Variants in IGLL1 observed in about 807,000 individuals in gnomAD.
The protein encoded by IGLL1 is immunoglobulin lambda like polypeptide 1, also known as immunoglobulin lambda-like polypeptide 1.
In IGLL1, 10 loss-of-function variants were observed where a neutral mutation model predicts 10.5. The observed-to-expected ratio is 0.95, with a 90% confidence interval of 0.59 to 1.62. The LOEUF (loss-of-function observed/expected upper bound fraction) is 1.62, where lower values mean the gene tolerates loss of function less well. Ranked by LOEUF, IGLL1 falls within the 40% of genes most tolerant of loss-of-function variation. IGLL1 has a pLI of 0.00. For synonymous variants in IGLL1, 141 were observed against 122.7 expected (o/e 1.15, Z -0.99); for missense variants, 284 against 278.7 (o/e 1.02, Z -0.14).
intron 1 of IGLL1, among the ~76,000 whole-genome samples, chr22:23,578,249 A>G (rs1925159222): frequency 6.6e-6 from 1 of 152,058 alleles, no homozygotes; most frequent in Non-Finnish European, 1.5e-5. Context: ...CCCCAACATA[A>G]TACCATTTTT....
intron 2 of IGLL1, among the ~76,000 whole-genome samples, chr22:23,574,652 A>C (rs1924965561): frequency 6.6e-6 from 1 of 152,102 alleles, no homozygotes; most frequent in Non-Finnish European, 1.5e-5. Context: ...AGGGCCCCTC[A>C]TCAGAACCAG....
chr22:23,577,654 G>A (rs1309616087), intron 1 of IGLL1, among the ~76,000 whole-genome samples: 1 of 147,216 alleles, frequency 6.8e-6, no homozygotes, highest in Admixed American at 7.0e-5. Flanking sequence ...CCTCTCACCA[G>A]CCTCCTAAGT....
chr22:23,578,381 C>T (rs1007151221), intron 1 of IGLL1, among the ~76,000 whole-genome samples: 4 of 152,180 alleles, frequency 2.6e-5, no homozygotes, highest in African/African-American at 7.2e-5. Flanking sequence ...ACCCGGCCCC[C>T]GCTCCTTGTG....
intron 1 of IGLL1, among the ~76,000 whole-genome samples, chr22:23,578,762 C>T (rs571972391): frequency 9.1e-4 from 139 of 152,190 alleles, no homozygotes; most frequent in African/African-American, 3.3e-3. Flanking sequence ...TGAGACCAGC[C>T]TGGCCAACAT....
chr22:23,573,725 C>G lies in IGLL1; in HGVS notation c.323-140G>C, dbSNP rs548207211. On this transcript the variant is annotated intron_variant, in intron 2 of 2. Coordinates refer to ENST00000330377, the MANE Select transcript of IGLL1 (RefSeq NM_020070.4). ...CAGGGCCTCTCCTTCCCTCCTCATTCCCTCCTTTCCACTGGAGCCCTCTGG... is the reference window on the plus strand; with the variant it reads ...CAGGGCCTCTCCTTCCCTCCTCATTGCCTCCTTTCCACTGGAGCCCTCTGG... The G allele has an allele frequency of 4.5e-6, 3 of 670,998 alleles. No homozygotes were observed. The African/African-American group carries it at 5.4e-5, about 12-fold the overall frequency. The allele number at this position is 670,998 out of a possible 1,614,324, so 41.6% of individuals were successfully genotyped here.
rs547684205 is a variant in IGLL1, at chr22:23,576,144, CTCAT to C, written c.207-1066_207-1063del. On this transcript the variant is annotated intron_variant, in intron 1 of 2. Transcript: ENST00000330377. ...AGATGACCACCTTCCCCCAGCCCAG[CTCAT>C]TTTCTGTCTTCATCTCATCACAATG... is the stretch of plus-strand genomic sequence containing the variant. Among the ~76,000 whole-genome samples the C allele has an allele frequency of 1.9e-3, 292 of 152,214 alleles. 1 individual carries two copies. The highest frequency in any genetic ancestry group is 0.015 in the South Asian group (74 of 4,828).
chr22:23,573,781 C>T (rs538840974), intron 2 of IGLL1, among the ~76,000 whole-genome samples, 196 bp from the exon 3 acceptor site: 1 of 152,210 alleles, frequency 6.6e-6, no homozygotes, highest in South Asian at 2.1e-4. Flanking sequence ...TTCCTAGGAG[C>T]CCTTCCCAAG....
intron 2 of IGLL1, among the ~76,000 whole-genome samples, chr22:23,573,995 TG>T (rs1416641359): frequency 1.3e-5 from 2 of 151,502 alleles, no homozygotes; most frequent in African/African-American, 4.9e-5. Context: ...TCCCATCCCC[TG>T]GGGCACCAGG....
At chr22:23,577,095 T>C (rs778807043) in intron 1 of IGLL1, among the ~76,000 whole-genome samples, 26 of 152,202 alleles carry the variant, frequency 1.7e-4, no homozygotes, top group Admixed American at 3.9e-4. Context: ...ATAATTAACA[T>C]TCAAAACCTA....
chr22:23,580,005 G>T lies in IGLL1; in HGVS notation c.186C>A (p.Ser62Arg). ...PGAPGGSSRS[S>R]LRSRWGRFLL... Reference sequence around the variant, plus strand: ...CTTACCTGCCCCACCGGCTCCTCAGGCTGGACCGGCTGCTTCCTCCAGGGG... The same window carrying T: ...CTTACCTGCCCCACCGGCTCCTCAGTCTGGACCGGCTGCTTCCTCCAGGGG... Residue 62 changes from serine to arginine, a missense_variant, in exon 1 of 3, where the codon AGC becomes AGA. Transcript: ENST00000330377. The T allele has an allele frequency of 6.3e-7, 1 of 1,583,762 alleles. No individual in the cohort carries two copies. Among genetic ancestry groups the T allele is most frequent in the Non-Finnish European group, 8.6e-7 (1 of 1,169,394 alleles).
rs1443237354 is a variant in IGLL1 at position 23,573,578 on chromosome 22, G to C, written c.330C>G (p.Pro110=). 3 of 1,613,604 alleles carry C rather than the reference G, an allele frequency of 1.9e-6. No homozygotes were observed. The highest frequency in any genetic ancestry group is 2.5e-6 in the Non-Finnish European group (3 of 1,179,602). The change falls in exon 3 of 3, where the codon CCC becomes CCG. Residue 110 remains proline (P), a synonymous_variant. Transcript: ENST00000330377. ...SGTQLTVLSQ[P]KATPSVTLFP... is the part of the protein sequence containing the mutation. ...ACAGAGTGACCGAGGGGGTGGCCTT[G>C]GGCTGACCTGTGTGGACAGAGGAGG... is the stretch of plus-strand genomic sequence containing the variant.
At position 23,579,993 on chromosome 22, in the gene IGLL1, C is replaced by T. The variant is rs769299078; in HGVS notation, c.198G>A (p.Arg66=). The T allele has an allele frequency of 4.4e-6, 7 of 1,580,908 alleles. No homozygotes were observed. Among genetic ancestry groups the T allele is most frequent in the South Asian group, 1.1e-5 (1 of 87,358 alleles). ...AATCTCTCACCCCTTACCTGCCCCA[C>T]CGGCTCCTCAGGCTGGACCGGCTGC... is the stretch of plus-strand genomic sequence containing the variant. ...GGSSRSSLRS[R]WGRFLLQRGS... The change falls in exon 1 of 3, where the codon CGG becomes CGA. Residue 66 remains arginine (R), a synonymous_variant. Transcript: ENST00000330377.
At position 23,580,077 on chromosome 22, in the gene IGLL1, C is replaced by T; in HGVS notation, c.114G>A (p.Leu38=). Residue 38 remains leucine (L), a synonymous_variant, in exon 1 of 3, where the codon CTG becomes CTA. Transcript: ENST00000330377. ...TCTGCGATGCAGCTGTTGGGCGCAG[C>T]AGGCCATGGGTTACCACGGCCAGAC... ...LLGLAVVTHG[L]LRPTAASQSR... 6.4e-7 allele frequency: 1 copy of T among 1,572,306 alleles called. No individual in the cohort carries two copies. Among genetic ancestry groups the T allele is most frequent in the Admixed American group, 1.9e-5 (1 of 53,590 alleles).
chr22:23,577,237 C>A (rs1925102813), intron 1 of IGLL1, among the ~76,000 whole-genome samples: 1 of 152,072 alleles, frequency 6.6e-6, no homozygotes, highest in Non-Finnish European at 1.5e-5. Flanking sequence ...CATGGCGAAA[C>A]CTCATCTCTA....
At chr22:23,574,520 T>C (rs1924959280) in intron 2 of IGLL1, among the ~76,000 whole-genome samples, 1 of 152,164 alleles carries the variant, frequency 6.6e-6, no homozygotes, top group Non-Finnish European at 1.5e-5. Context: ...GTGCCCTCCA[T>C]TGGTCTCCCC....
At chr22:23,574,840 C>T in intron 2 of IGLL1, 127 bp downstream of exon 2, 1 of 737,760 alleles carries the variant, frequency 1.4e-6, no homozygotes, top group Non-Finnish European at 2.4e-6. Context: ...CCTCCAGGCC[C>T]CATGGACAAA....
chr22:23,575,201 C>T, intron 1 of IGLL1, 119 bp from the exon 2 acceptor site: 1 of 794,848 alleles, frequency 1.3e-6, no homozygotes, highest in South Asian at 1.4e-5. Flanking sequence ...TGTCCCTTCT[C>T]TGAGGCAGGT....
intron 1 of IGLL1, among the ~76,000 whole-genome samples, chr22:23,577,027 AGT>A (rs1925093939): frequency 1.3e-5 from 2 of 152,234 alleles, no homozygotes; most frequent in African/African-American, 2.4e-5. Flanking sequence ...TATTTCACTA[AGT>A]ATAATGTCTT....
Position 23,573,471 on chromosome 22 carries a change from G to T in IGLL1, c.437C>A (p.Thr146Lys). 6.2e-7 allele frequency: 1 copy of T among 1,612,076 alleles called. No individual in the cohort carries two copies. The highest frequency in any genetic ancestry group is 8.5e-7 in the Non-Finnish European group (1 of 1,178,126). Residue 146 changes from threonine to lysine, a missense_variant, in exon 3 of 3, where the codon ACG becomes AAG. Transcript: ENST00000330377. ...GGTACCATCTGCCTTCCAGGTCACCGTCAAGATTCCCGGATAAAAGTCATT... is the reference window on the plus strand; with the variant it reads ...GGTACCATCTGCCTTCCAGGTCACCTTCAAGATTCCCGGATAAAAGTCATT... ...LMNDFYPGIL[T>K]VTWKADGTPI... is the part of the protein sequence containing the mutation.
Sources: allele counts gnomAD v4.1 joint callset (sites outside exome capture counted in the v4.1 genomes callset), GRCh38; gene constraint gnomAD v4.1.1; transcripts MANE v1.5; gene names NCBI Gene and HGNC (gene_info 2026-07-23, HGNC 2026-07-21).